The following DIAPH3 variants were observed in gnomAD, a reference collection of about 807,000 sequenced individuals.
The protein encoded by DIAPH3 is protein diaphanous homolog 3.
DIAPH3 carries 117 observed loss-of-function variants against 144.3 expected under a neutral mutation model. The observed-to-expected ratio is 0.81, with a 90% CI of 0.70 to 0.95. DIAPH3 has a LOEUF of 0.95. DIAPH3 is among the 40% of genes least tolerant of loss of function. DIAPH3 has a pLI of 0.00. For synonymous variants in DIAPH3, 519 were observed against 488.9 expected (o/e 1.06, Z -0.81); for missense variants, 1,421 against 1,412.7 (o/e 1.01, Z -0.09).
intron 18 of DIAPH3, among the ~76,000 whole-genome samples, chr13:59,920,349 G>C (rs2047446378): frequency 6.6e-6 from 1 of 151,686 alleles, no homozygotes; most frequent in Non-Finnish European, 1.5e-5. Flanking sequence ...TGTAAAGATA[G>C]AAAAAGATAT....
At chr13:59,752,471 A>C (rs2037058359) in intron 27 of DIAPH3, among the ~76,000 whole-genome samples, 1 of 151,702 alleles carries the variant, frequency 6.6e-6, no homozygotes, top group Non-Finnish European at 1.5e-5. Context: ...AGGCTCAAGC[A>C]ATCCTCCCAT....
At chr13:60,048,967 T>C (rs1293121655) in intron 4 of DIAPH3, among the ~76,000 whole-genome samples, 2 of 152,060 alleles carry the variant, frequency 1.3e-5, no homozygotes, top group Non-Finnish European at 2.9e-5. Context: ...AGGAAAAAAA[T>C]GAAAAAAATC....
chr13:59,945,146 C>G (rs1379304862), intron 17 of DIAPH3, among the ~76,000 whole-genome samples: 4 of 152,034 alleles, frequency 2.6e-5, no homozygotes, highest in Non-Finnish European at 5.9e-5. Context: ...AAATCCACAC[C>G]TCAAATCTCA....
At chr13:60,096,888 G>A (rs1019405275) in intron 3 of DIAPH3, among the ~76,000 whole-genome samples, 7 of 152,122 alleles carry the variant, frequency 4.6e-5, no homozygotes, top group South Asian at 2.1e-4. Context: ...ACTGAGCCAC[G>A]CTGCTGACTT....
At chr13:59,919,112 T>C (rs942039337) in intron 18 of DIAPH3, among the ~76,000 whole-genome samples, 4 of 151,932 alleles carry the variant, frequency 2.6e-5, no homozygotes, top group Non-Finnish European at 5.9e-5. Flanking sequence ...AGACAGTTTA[T>C]TTAAAAATAT....
At chr13:60,119,522 T>C (rs1054677217) in intron 2 of DIAPH3, among the ~76,000 whole-genome samples, 10 of 151,088 alleles carry the variant, frequency 6.6e-5, no homozygotes, top group East Asian at 5.8e-4. Flanking sequence ...CCGAGGCGGG[T>C]GGATCACGAG....
intron 17 of DIAPH3, among the ~76,000 whole-genome samples, chr13:59,968,785 C>T (rs1430287689): frequency 6.6e-6 from 1 of 152,156 alleles, no homozygotes; most frequent in African/African-American, 2.4e-5. Flanking sequence ...AATACTAATA[C>T]ATTTTTAAAA....
intron 22 of DIAPH3, among the ~76,000 whole-genome samples, chr13:59,843,011 C>T (rs961304556): frequency 2.0e-5 from 3 of 152,132 alleles, no homozygotes; most frequent in Admixed American, 6.6e-5. Context: ...CAGCCCCTCT[C>T]GCACCCATAC....
chr13:59,707,999 C>A (rs77492279), intron 27 of DIAPH3, among the ~76,000 whole-genome samples: 2 of 149,652 alleles, frequency 1.3e-5, no homozygotes, highest in South Asian at 2.1e-4. Context: ...AAAAAAAAAA[C>A]AAAAAACCCT....
rs2031978059 is a variant in DIAPH3 at position 59,665,770 on chromosome 13, T to C, written c.*814A>G. ...TGCAATCCCAAGTTTATTCATAAAA[T>C]AAAAAAAGTTGTTACTTTGGAAATT... On this transcript the variant is annotated 3_prime_UTR_variant, in exon 28 of 28. Coordinates refer to ENST00000400324, the MANE Select transcript of DIAPH3 (RefSeq NM_001042517.2). The C allele has an allele frequency of 6.6e-6, 1 of 152,548 alleles. No individual in the cohort carries two copies. Among genetic ancestry groups the C allele is most frequent in the African/African-American group, 2.4e-5 (1 of 41,424 alleles). The allele number at this position is 152,548 out of a possible 1,614,324, so 9.4% of individuals were successfully genotyped here.
intron 20 of DIAPH3, among the ~76,000 whole-genome samples, chr13:59,908,039 G>C (rs762557607): frequency 1.3e-5 from 2 of 152,008 alleles, no homozygotes; most frequent in Non-Finnish European, 2.9e-5. Flanking sequence ...ACAGGATATA[G>C]AGCCCTAGAA....
intron 1 of DIAPH3, among the ~76,000 whole-genome samples, chr13:60,156,931 ATATATATATTTTTTTTTTTTTT>A (rs1175223365): frequency 1.1e-4 from 6 of 52,524 alleles, no homozygotes; most frequent in African/African-American, 5.1e-4. Flanking sequence ...ATATATATAT[ATATATATATTTTTTTTTTTTTT>A]TTTTTTGAGA....
chr13:59,954,399 C>T (rs552301344), intron 17 of DIAPH3, among the ~76,000 whole-genome samples: 9 of 152,228 alleles, frequency 5.9e-5, no homozygotes, highest in Middle Eastern at 3.4e-3. Context: ...GGCCTTATAA[C>T]CCCAATATAA....
intron 21 of DIAPH3, among the ~76,000 whole-genome samples, chr13:59,868,413 C>G (rs2044056910): frequency 6.6e-6 from 1 of 151,968 alleles, no homozygotes; most frequent in African/African-American, 2.4e-5. Flanking sequence ...ATATTTTAGA[C>G]TTTATATTTT....
At chr13:59,701,674 G>A (rs2034120686) in intron 27 of DIAPH3, among the ~76,000 whole-genome samples, 1 of 152,206 alleles carries the variant, frequency 6.6e-6, no homozygotes, top group Admixed American at 6.5e-5. Flanking sequence ...CTAGGGAAAA[G>A]TTTCTTAACT....
intron 15 of DIAPH3, among the ~76,000 whole-genome samples, chr13:59,972,751 A>G (rs995637464): frequency 6.6e-6 from 1 of 152,214 alleles, no homozygotes; most frequent in East Asian, 1.9e-4. Context: ...TTCATTTGAT[A>G]AAGTGTGAAG....
intron 25 of DIAPH3, among the ~76,000 whole-genome samples, chr13:59,794,754 C>T (rs1041923302): frequency 6.6e-6 from 1 of 152,136 alleles, no homozygotes. Context: ...AGAGATCCTC[C>T]CACCTCAGCC....
intron 4 of DIAPH3, among the ~76,000 whole-genome samples, chr13:60,072,425 C>G (rs531671218): frequency 4.6e-5 from 7 of 152,276 alleles, no homozygotes; most frequent in African/African-American, 1.7e-4. Flanking sequence ...TGCCTTTACA[C>G]ACATGCACAA....
chr13:59,992,644 C>G, intron 9 of DIAPH3, 61 bp from the exon 10 acceptor site: 1 of 1,316,734 alleles, frequency 7.6e-7, no homozygotes, highest in South Asian at 1.2e-5. Flanking sequence ...GAGTAACAAA[C>G]GTAAACTTCA....
Sources: allele counts gnomAD v4.1 joint callset (sites outside exome capture counted in the v4.1 genomes callset), GRCh38; gene constraint gnomAD v4.1.1; transcripts MANE v1.5; gene names NCBI Gene and HGNC (gene_info 2026-07-23, HGNC 2026-07-21).